Variants in SYNPO2 observed in about 807,000 individuals in gnomAD.
SYNPO2 encodes synaptopodin 2, also known as synaptopodin-2.
Under a neutral mutation model 85.0 loss-of-function variants are expected in SYNPO2, and 56 were observed. The ratio of observed to expected loss-of-function variants is 0.66; its 90% confidence interval spans 0.53 to 0.82. SYNPO2 has a LOEUF of 0.82. SYNPO2 is among the 40% of genes least tolerant of loss of function. SYNPO2 has a pLI of 0.00. For missense variants in SYNPO2, 1,575 were observed against 1,534.2 expected (o/e 1.03, Z -0.44); for synonymous variants, 602 against 591.1 (o/e 1.02, Z -0.27).
intron 1 of SYNPO2, among the ~76,000 whole-genome samples, chr4:118,980,804 C>A (rs967100285): frequency 2.0e-5 from 3 of 152,094 alleles, no homozygotes; most frequent in Non-Finnish European, 4.4e-5. Context: ...GACGCTGCCT[C>A]TTAGGCCTCA....
intron 1 of SYNPO2, among the ~76,000 whole-genome samples, chr4:118,912,269 T>C (rs1008269785): frequency 1.5e-4 from 23 of 152,186 alleles, no homozygotes; most frequent in Non-Finnish European, 2.9e-4. Flanking sequence ...GCACCTCAAC[T>C]TCCTGGGCTC....
intron 1 of SYNPO2, among the ~76,000 whole-genome samples, chr4:118,903,259 T>G (rs1038930906): frequency 2.6e-5 from 4 of 152,186 alleles, no homozygotes; most frequent in Admixed American, 2.6e-4. Context: ...ATTCACTTAA[T>G]CAGGCACAGT....
intron 1 of SYNPO2, among the ~76,000 whole-genome samples, chr4:118,921,271 T>TTG (rs1733522812): frequency 6.6e-6 from 1 of 152,144 alleles, no homozygotes; most frequent in African/African-American, 2.4e-5. Context: ...GTCAGTCCAC[T>TTG]GTCTTCTCAC....
At chr4:118,880,357 C>T (rs541048956) in intron 1 of SYNPO2, among the ~76,000 whole-genome samples, 48 of 152,266 alleles carry the variant, frequency 3.2e-4, no homozygotes, top group African/African-American at 1.1e-3. Flanking sequence ...TCTCCAGTAC[C>T]TCAAAGCTCC....
chr4:118,853,362 C>CTCTT (rs780231285), intron 1 of SYNPO2, among the ~76,000 whole-genome samples: 5 of 152,044 alleles, frequency 3.3e-5, no homozygotes, highest in African/African-American at 7.2e-5. Flanking sequence ...TCTTCATATA[C>CTCTT]CATCAAATTT....
At chr4:119,011,373 C>T (rs1219645115) in intron 1 of SYNPO2, among the ~76,000 whole-genome samples, 1 of 152,094 alleles carries the variant, frequency 6.6e-6, no homozygotes, top group Admixed American at 6.5e-5. Flanking sequence ...GCCTTATGAC[C>T]TTACCTCTCT....
chr4:118,969,924 G>A (rs1735473225), intron 1 of SYNPO2, among the ~76,000 whole-genome samples: 2 of 152,146 alleles, frequency 1.3e-5, no homozygotes, highest in South Asian at 2.1e-4. Flanking sequence ...TCTATTGTTT[G>A]CATTTAACTA....
chr4:118,909,439 C>T (rs564584073), intron 1 of SYNPO2, among the ~76,000 whole-genome samples: 10 of 152,106 alleles, frequency 6.6e-5, no homozygotes, highest in Non-Finnish European at 1.2e-4. Context: ...TGCCTGTTCC[C>T]TGGACTTGCC....
At chr4:118,873,819 T>G (rs1036960989) in intron 1 of SYNPO2, among the ~76,000 whole-genome samples, 15 of 152,200 alleles carry the variant, frequency 9.9e-5, no homozygotes, top group Non-Finnish European at 1.6e-4. Flanking sequence ...TGCATTTTTA[T>G]AGTTTCAGGT....
chr4:119,029,630 T>C (rs939058175), intron 3 of SYNPO2, among the ~76,000 whole-genome samples: 2 of 152,144 alleles, frequency 1.3e-5, no homozygotes, highest in Non-Finnish European at 2.9e-5. Context: ...TATAAAATAT[T>C]TTTATGTAAA....
chr4:118,972,998 T>C (rs977070209), intron 1 of SYNPO2, among the ~76,000 whole-genome samples: 4 of 152,248 alleles, frequency 2.6e-5, no homozygotes, highest in African/African-American at 4.8e-5. Flanking sequence ...ACTCAACTTA[T>C]GATGTTTCAA....
At chr4:118,856,739 T>G (rs1381290876) in intron 1 of SYNPO2, among the ~76,000 whole-genome samples, 1 of 152,120 alleles carries the variant, frequency 6.6e-6, no homozygotes, top group African/African-American at 2.4e-5. Flanking sequence ...CCCGAACTCC[T>G]GGGCTCAAGC....
intron 1 of SYNPO2, among the ~76,000 whole-genome samples, chr4:118,924,145 C>T (rs1733636288): frequency 6.6e-6 from 1 of 152,174 alleles, no homozygotes; most frequent in Admixed American, 6.5e-5. Flanking sequence ...TAGCATTCCC[C>T]AGCAGATTAA....
intron 4 of SYNPO2, among the ~76,000 whole-genome samples, chr4:119,047,764 A>G (rs1246256992): frequency 6.6e-6 from 1 of 152,204 alleles, no homozygotes; most frequent in Non-Finnish European, 1.5e-5. Flanking sequence ...AATTTTTTCC[A>G]GTGTTGAACT....
intron 1 of SYNPO2, among the ~76,000 whole-genome samples, chr4:118,868,045 AT>A (rs201442989): frequency 0.013 from 1,731 of 130,824 alleles, 25 homozygotes; most frequent in African/African-American, 0.018. Context: ...CCCTCCTTTC[AT>A]TTAAAAAAAA....
chr4:118,975,428 A>G (rs1455763647), intron 1 of SYNPO2, among the ~76,000 whole-genome samples: 3 of 152,192 alleles, frequency 2.0e-5, no homozygotes, highest in Non-Finnish European at 2.9e-5. Flanking sequence ...ATGAATGACA[A>G]ACAGAGATGA....
In SYNPO2 at chr4:119,030,361, G is replaced by A. The variant is rs1319953233; in HGVS notation, c.1586G>A (p.Gly529Asp). Residue 529 changes from glycine to aspartate, a missense_variant, in exon 4 of 5, where the codon GGC becomes GAC. This residue lies in a region of SYNPO2 where 1,508 missense variants were observed against 1,446.8 expected (regional missense o/e 1.04). Coordinates refer to ENST00000307142, the MANE Select transcript of SYNPO2 (RefSeq NM_133477.3). ...GAACAAGATGCTGCCCAGACCGATG[G>A]CCTGAGAACCACGACTTCTTACCAA... ...SREQDAAQTD[G>D]LRTTTSYQRK... The A allele has an allele frequency of 6.2e-6, 10 of 1,614,106 alleles. No individual in the cohort carries two copies. Among genetic ancestry groups the A allele is most frequent in the Non-Finnish European group, 8.5e-6 (10 of 1,180,028 alleles).
rs774519336 is a variant in SYNPO2, at chr4:119,027,563, T to A, written c.1069+125T>A. The A allele has an allele frequency of 1.2e-5, 11 of 938,422 alleles. No homozygotes were observed. In the South Asian group the frequency reaches 1.9e-4, roughly 16 times the overall value. The allele number at this position is 938,422 out of a possible 1,614,324, so 58.1% of individuals were successfully genotyped here. On this transcript the variant is annotated intron_variant, in intron 3 of 4. Coordinates refer to ENST00000307142, the MANE Select transcript of SYNPO2 (RefSeq NM_133477.3). ...CTCATTGGCTTAAAGAAATATTTAA[T>A]TAATGCACAAAATCACAAATGTGAA...
chr4:119,037,095 T>C (rs1489701770), intron 4 of SYNPO2: 3 of 1,534,850 alleles, frequency 2.0e-6, no homozygotes, highest in Non-Finnish European at 2.6e-6. Flanking sequence ...ATCTAAATTA[T>C]GTGTGCTCTG....
Sources: gnomAD v4.1 joint callset for allele counts (sites outside exome capture counted in the v4.1 genomes callset) on GRCh38, gnomAD v4.1.1 for gene constraint, gnomAD v4.1.1 regional missense constraint, MANE v1.5 for transcripts, NCBI Gene and HGNC (gene_info 2026-07-23, HGNC 2026-07-21) for gene names.